Variants in MYO6 observed in about 807,000 individuals in gnomAD.
MYO6 encodes the protein myosin VI.
A neutral mutation model predicts 178.7 loss-of-function variants in MYO6; 74 were observed. The observed-to-expected ratio is 0.41, with a 90% CI of 0.34 to 0.50. The LOEUF (loss-of-function observed/expected upper bound fraction) is 0.50, where lower values mean the gene tolerates loss of function less well. Ranked by LOEUF, MYO6 falls within the 20% of genes least tolerant of loss-of-function variation. MYO6 has a pLI of 0.09. For synonymous variants in MYO6, 477 were observed against 504.6 expected (o/e 0.95, Z 0.73); for missense variants, 1,330 against 1,547.4 (o/e 0.86, Z 2.36).
At chr6:75,758,054 C>T (rs1375713866) in intron 1 of MYO6, among the ~76,000 whole-genome samples, 1 of 144,094 alleles carries the variant, frequency 6.9e-6, no homozygotes, top group African/African-American at 2.5e-5. Flanking sequence ...CTTGGCTCAC[C>T]ACACCTTCTG....
chr6:75,811,100 C>G (rs985256731), intron 1 of MYO6, among the ~76,000 whole-genome samples: 1 of 144,548 alleles, frequency 6.9e-6, no homozygotes, highest in Non-Finnish European at 1.5e-5. Context: ...CTAGACTTCT[C>G]TTGGTGGGGG....
At chr6:75,885,962 A>T (rs374682259) in intron 23 of MYO6, 42 bp from the exon 24 acceptor site, 1 of 1,218,494 alleles carries the variant, frequency 8.2e-7, no homozygotes. Context: ...TTAGATTTAA[A>T]CTGAATAATT....
chr6:75,841,329 C>T lies in MYO6; in HGVS notation c.767C>T (p.Ser256Phe). ...TTTTATAGGTTGTGTGCTGGTGCTTCTGAAGATATTAGAGAAAAACTTCAT... is the reference window on the plus strand; with the variant it reads ...TTTTATAGGTTGTGTGCTGGTGCTTTTGAAGATATTAGAGAAAAACTTCAT... ...HIFYRLCAGASEDIREKLHLS... is the reference protein window; with the variant it reads ...HIFYRLCAGAFEDIREKLHLS... Residue 256 changes from serine (S) to phenylalanine (F), a missense_variant, in exon 9 of 35, where the codon TCT becomes TTT. Physicochemically the swap from Ser to Phe is radical, Grantham distance 155 (BLOSUM62 -2). Transcript: ENST00000369977. 2 of 1,613,936 alleles carry T rather than the reference C, an allele frequency of 1.2e-6. No homozygotes were observed. Among genetic ancestry groups the T allele is most frequent in the Non-Finnish European group, 1.7e-6 (2 of 1,179,998 alleles).
chr6:75,898,283 T>A (rs1204176538), intron 29 of MYO6, 90 bp from the exon 30 acceptor site: 2 of 837,698 alleles, frequency 2.4e-6, no homozygotes, highest in African/African-American at 3.5e-5. Flanking sequence ...ATATTGAAAA[T>A]ATATATTTTA....
chr6:75,753,560 C>A (rs1777085312), intron 1 of MYO6, among the ~76,000 whole-genome samples: 1 of 151,834 alleles, frequency 6.6e-6, no homozygotes, highest in South Asian at 2.1e-4. Flanking sequence ...CTCCCAGGCT[C>A]AAGTGACACT....
chr6:75,913,029 A>G (rs192253910), intron 33 of MYO6, among the ~76,000 whole-genome samples: 21 of 152,282 alleles, frequency 1.4e-4, no homozygotes, highest in Admixed American at 3.9e-4. Flanking sequence ...TACAGAAGCC[A>G]TGTGGCTCTT....
At chr6:75,811,638 T>C (rs2150148465) in intron 1 of MYO6, among the ~76,000 whole-genome samples, 1 of 152,374 alleles carries the variant, frequency 6.6e-6, no homozygotes, top group Admixed American at 6.5e-5. Context: ...CTTTTCTTTT[T>C]TTTCACTGTC....
chr6:75,896,180 A>AT (rs1779287271), intron 29 of MYO6, among the ~76,000 whole-genome samples: 1 of 152,206 alleles, frequency 6.6e-6, no homozygotes, highest in Non-Finnish European at 1.5e-5. Context: ...TATGATGAGG[A>AT]TTCTCAACTC....
intron 7 of MYO6, among the ~76,000 whole-genome samples, chr6:75,837,162 A>G (rs1318594054): frequency 6.6e-6 from 1 of 152,166 alleles, no homozygotes; most frequent in African/African-American, 2.4e-5. Context: ...TTTAATAATA[A>G]TGGTGGTAAT....
At chr6:75,842,410 G>A (rs990477770) in intron 9 of MYO6, among the ~76,000 whole-genome samples, 3 of 152,172 alleles carry the variant, frequency 2.0e-5, no homozygotes, top group Admixed American at 2.0e-4. Flanking sequence ...GATTCTGATA[G>A]TCTTTTTTGG....
intron 1 of MYO6, among the ~76,000 whole-genome samples, chr6:75,783,549 A>T (rs1767201291): frequency 6.8e-6 from 1 of 147,158 alleles, no homozygotes; most frequent in East Asian, 2.0e-4. Context: ...ATGACATTTG[A>T]TATCTTCTTT....
intron 30 of MYO6, among the ~76,000 whole-genome samples, chr6:75,906,113 G>T (rs941999945): frequency 6.6e-6 from 1 of 152,110 alleles, no homozygotes; most frequent in Non-Finnish European, 1.5e-5. Flanking sequence ...GTAGTAGGTG[G>T]ATAATGGAGA....
chr6:75,835,923 A>T lies in MYO6; in HGVS notation c.520A>T (p.Thr174Ser). 6.2e-7 allele frequency: 1 copy of T among 1,606,656 alleles called. No individual in the cohort carries two copies. Among genetic ancestry groups the T allele is most frequent in the East Asian group, 2.2e-5 (1 of 44,796 alleles). ...VLRYLTESYG[T>S]GQDIDDRIVE... ...CAGATACCTGACTGAATCCTATGGA[A>T]CAGGTCAAGATATTGATGACAGAAT... The change falls in exon 7 of 35, where the codon ACA (threonine) becomes TCA (serine). Residue 174 changes from threonine to serine, a missense_variant. By Grantham distance (58) the Thr-to-Ser change is moderately conservative. Transcript: ENST00000369977.
rs373018758 is a variant in MYO6 at position 75,828,651 on chromosome 6, T to A, written c.261+38T>A. On this transcript the variant is annotated intron_variant, in intron 4 of 34. Transcript: ENST00000369977. ...CCTGTAGTGTAAGTTTTTGTGGAGATAATTATTTCATGTGGTACTCTTTGA... is the reference window on the plus strand; with the variant it reads ...CCTGTAGTGTAAGTTTTTGTGGAGAAAATTATTTCATGTGGTACTCTTTGA... 61 of 1,257,626 alleles carry A rather than the reference T, an allele frequency of 4.9e-5. No homozygotes were observed. The Middle Eastern group carries it at 5.6e-4, about 11-fold the overall frequency. The allele number at this position is 1,257,626 out of a possible 1,614,324, so 77.9% of individuals were successfully genotyped here. A position where few individuals can be genotyped will look rare whatever the true frequency, so the allele number is the denominator to read the frequency against.
Position 75,890,273 on chromosome 6 carries a change from A to G in MYO6, c.2867+8A>G. On this transcript the variant is annotated splice_region_variant and intron_variant, in intron 26 of 34. Coordinates refer to ENST00000369977, the MANE Select transcript of MYO6 (RefSeq NM_004999.4). Reference sequence around the variant, plus strand: ...AGAGGAGGAAAGGCGGATGTGAGGCATTTATATTATTTTGAATAAGAGACT... The same window carrying G: ...AGAGGAGGAAAGGCGGATGTGAGGCGTTTATATTATTTTGAATAAGAGACT... 6.2e-7 allele frequency: 1 copy of G among 1,613,566 alleles called. No individual in the cohort carries two copies. Among genetic ancestry groups the G allele is most frequent in the Non-Finnish European group, 8.5e-7 (1 of 1,179,600 alleles).
chr6:75,831,605 A>C (rs1773083434), intron 5 of MYO6, among the ~76,000 whole-genome samples: 1 of 152,196 alleles, frequency 6.6e-6, no homozygotes, highest in Admixed American at 6.5e-5. Flanking sequence ...ATGATTCTTT[A>C]AAAATGTGTG....
intron 20 of MYO6, among the ~76,000 whole-genome samples, chr6:75,875,546 C>CAAG (rs1777510330): frequency 6.6e-6 from 1 of 152,196 alleles, no homozygotes; most frequent in Admixed American, 6.5e-5. Flanking sequence ...CTCAGCCTTC[C>CAAG]AAAGTGATGG....
intron 6 of MYO6, among the ~76,000 whole-genome samples, chr6:75,833,487 C>A (rs1773335072): frequency 6.6e-6 from 1 of 152,188 alleles, no homozygotes; most frequent in South Asian, 2.1e-4. Context: ...ACCTAGCAAC[C>A]ACCATTCTAC....
chr6:75,772,091 G>C (rs967228157), intron 1 of MYO6, among the ~76,000 whole-genome samples: 4 of 152,124 alleles, frequency 2.6e-5, no homozygotes, highest in South Asian at 2.1e-4. Context: ...AACTAATACT[G>C]TTGAGTCTAC....
Sources: gnomAD v4.1 joint callset for allele counts (sites outside exome capture counted in the v4.1 genomes callset) on GRCh38, gnomAD v4.1.1 for gene constraint, MANE v1.5 for transcripts, NCBI Gene and HGNC (gene_info 2026-07-23, HGNC 2026-07-21) for gene names.